DYSF: variants seen among roughly 807,000 people sequenced by gnomAD.
The protein encoded by DYSF is dystrophy-associated fer-1-like 1.
DYSF carries 212 observed loss-of-function variants against 274.9 expected under a neutral mutation model. That is an observed-to-expected ratio of 0.77 (90% CI 0.69 to 0.86). The LOEUF (loss-of-function observed/expected upper bound fraction) is 0.86, where lower values mean the gene tolerates loss of function less well. DYSF is among the 40% of genes least tolerant of loss of function. DYSF has a pLI of 0.00. For synonymous variants in DYSF, 1,091 were observed against 1,078.7 expected (o/e 1.01, Z -0.22); for missense variants, 2,666 against 2,783.2 (o/e 0.96, Z 0.95).
intron 26 of DYSF, 31 bp downstream of exon 26, chr2:71,568,369 G>T (rs763356843): frequency 1.2e-6 from 2 of 1,611,422 alleles, no homozygotes; most frequent in African/African-American, 2.7e-5. Context: ...GCTGGGGAGA[G>T]CCAGGCCAGG....
chr2:71,516,145 G>A, intron 8 of DYSF, 35 bp from the exon 9 acceptor site: 1 of 1,602,736 alleles, frequency 6.2e-7, no homozygotes, highest in African/African-American at 1.3e-5. Flanking sequence ...GGATCAGCAG[G>A]CACTGATATG....
chr2:71,582,267 C>G (rs2092923181), intron 30 of DYSF, among the ~76,000 whole-genome samples: 1 of 152,108 alleles, frequency 6.6e-6, no homozygotes, highest in Admixed American at 6.5e-5. Flanking sequence ...GCACTTGGCC[C>G]TTTATAGACA....
intron 41 of DYSF, 82 bp from the exon 42 acceptor site, chr2:71,643,883 C>A: frequency 9.0e-7 from 1 of 1,107,592 alleles, no homozygotes; most frequent in Non-Finnish European, 1.3e-6. Flanking sequence ...GGCCTAGCAG[C>A]GGAGGGAGGG....
At chr2:71,655,070 G>A (rs923935382) in intron 42 of DYSF, among the ~76,000 whole-genome samples, 9 of 152,094 alleles carry the variant, frequency 5.9e-5, no homozygotes, top group African/African-American at 2.2e-4. Flanking sequence ...CACCCTGGGT[G>A]ACAGAGTGAG....
At chr2:71,631,936 TC>T (rs1159816664) in intron 41 of DYSF, among the ~76,000 whole-genome samples, 5 of 152,112 alleles carry the variant, frequency 3.3e-5, no homozygotes, top group Non-Finnish European at 7.4e-5. Flanking sequence ...GCTTCCACCA[TC>T]CGGCGCTCCT....
At chr2:71,465,850 C>A (rs1190192247), upstream of DYSF, among the ~76,000 whole-genome samples, 2 of 152,128 alleles carry the variant, frequency 1.3e-5, no homozygotes, top group African/African-American at 2.4e-5. Context: ...ACATAATAAG[C>A]GAAACGACTG....
intron 40 of DYSF, among the ~76,000 whole-genome samples, chr2:71,619,188 T>C (rs1239630321): frequency 6.6e-6 from 1 of 152,078 alleles, no homozygotes; most frequent in Non-Finnish European, 1.5e-5. Context: ...GGGTTCAGGA[T>C]GCAAATGGGA....
In DYSF at chr2:71,551,733, G is replaced by T; in HGVS notation, c.1806+13G>T. ...CCTCCGGGTGGAGGTGAGGGGTGTG[G>T]CTCTGGGTGGGAGCTGGGCGTCGGG... On this transcript the variant is annotated intron_variant, in intron 19 of 55. Coordinates refer to ENST00000410020, the MANE Select transcript of DYSF (RefSeq NM_001130987.2). 6.3e-7 allele frequency: 1 copy of T among 1,593,470 alleles called. No individual in the cohort carries two copies. Among genetic ancestry groups the T allele is most frequent in the Non-Finnish European group, 8.5e-7 (1 of 1,171,030 alleles).
intron 29 of DYSF, chr2:71,571,038 T>A: frequency 3.6e-6 from 1 of 275,872 alleles, no homozygotes; most frequent in Non-Finnish European, 6.2e-6. Flanking sequence ...ACACACAGAT[T>A]ACACCCAGCA....
chr2:71,625,150 A>G (rs949095886), intron 41 of DYSF, among the ~76,000 whole-genome samples: 2 of 152,158 alleles, frequency 1.3e-5, no homozygotes, highest in African/African-American at 4.8e-5. Context: ...TTTAATTTCT[A>G]CATTCAAGTC....
At chr2:71,480,759 G>A in intron 1 of DYSF, 124 bp from the exon 2 acceptor site, 2 of 851,154 alleles carry the variant, frequency 2.3e-6, no homozygotes, top group Non-Finnish European at 3.9e-6. Flanking sequence ...CAGGGAATCT[G>A]TTGATTTTGT....
intron 1 of DYSF, among the ~76,000 whole-genome samples, chr2:71,477,257 C>T (rs1014645309): frequency 1.2e-4 from 18 of 151,908 alleles, no homozygotes; most frequent in African/African-American, 3.6e-4. Context: ...GGTGCAACAT[C>T]GCATGTAGAG....
At position 71,668,042 on chromosome 2, in the gene DYSF, G is replaced by A. The variant is rs10200069; in HGVS notation, c.5457+527G>A. ...ACAGCAGCCTTGGGATGGTGACAGGGAGGGCTTCCTGGAAGAGGTGAGCTC... is the reference window on the plus strand; with the variant it reads ...ACAGCAGCCTTGGGATGGTGACAGGAAGGGCTTCCTGGAAGAGGTGAGCTC... On this transcript the variant is annotated intron_variant, in intron 48 of 55. Transcript: ENST00000410020. Among the ~76,000 whole-genome samples, 1,157 of 152,178 alleles carry A rather than the reference G, an allele frequency of 7.6e-3. 13 individuals carry two copies. The highest frequency in any genetic ancestry group is 0.021 in the African/African-American group (857 of 41,532).
chr2:71,577,342 TAC>T (rs2092738204), intron 30 of DYSF, among the ~76,000 whole-genome samples: 1 of 150,276 alleles, frequency 6.7e-6, no homozygotes, highest in Non-Finnish European at 1.5e-5. Context: ...CACACATTCA[TAC>T]ACACCAATAA....
chr2:71,479,893 T>C (rs1223866292), intron 1 of DYSF, among the ~76,000 whole-genome samples: 1 of 152,254 alleles, frequency 6.6e-6, no homozygotes, highest in Non-Finnish European at 1.5e-5. Flanking sequence ...GAAGTGGATT[T>C]TGTTTAAATG....
chr2:71,625,135 GT>G (rs1553392493), intron 41 of DYSF, among the ~76,000 whole-genome samples: 1 of 141,948 alleles, frequency 7.0e-6, no homozygotes, highest in African/African-American at 2.6e-5. Flanking sequence ...TAATAGATTA[GT>G]TTCTTTAATT....
chr2:71,551,393 G>A (rs990494983), intron 18 of DYSF, among the ~76,000 whole-genome samples: 2 of 152,194 alleles, frequency 1.3e-5, no homozygotes, highest in African/African-American at 4.8e-5. Context: ...TGTCTTTTAG[G>A]CTGAGTTGGC....
intron 32 of DYSF, among the ~76,000 whole-genome samples, chr2:71,591,649 A>G (rs1202855328): frequency 6.6e-6 from 1 of 152,264 alleles, no homozygotes; most frequent in Non-Finnish European, 1.5e-5. Flanking sequence ...AGGGAACCCA[A>G]GGCTATCACT....
At chr2:71,506,339 G>T (rs1191307429) in intron 4 of DYSF, among the ~76,000 whole-genome samples, 1 of 152,188 alleles carries the variant, frequency 6.6e-6, no homozygotes, top group Non-Finnish European at 1.5e-5. Context: ...GGGCAAGACA[G>T]GAGTCTCAAG....
Sources: allele counts gnomAD v4.1 joint callset (sites outside exome capture counted in the v4.1 genomes callset), GRCh38; gene constraint gnomAD v4.1.1; transcripts MANE v1.5; gene names NCBI Gene and HGNC (gene_info 2026-07-23, HGNC 2026-07-21).